PLG: variants seen among roughly 807,000 people sequenced by gnomAD.
PLG encodes the protein plasminogen, also known as plasmin.
Under a neutral mutation model 104.4 loss-of-function variants are expected in PLG, and 41 were observed. The ratio of observed to expected loss-of-function variants is 0.39; its 90% confidence interval spans 0.31 to 0.51. PLG has a LOEUF of 0.51. Ranked by LOEUF, PLG falls within the 20% of genes least tolerant of loss-of-function variation. The pLI is 0.76. For synonymous variants in PLG, 337 were observed against 357.1 expected, an observed-to-expected ratio of 0.94 and a Z score of 0.63; for missense variants, 891 against 1,003.6, an observed-to-expected ratio of 0.89 and a Z score of 1.52.
In PLG at chr6:160,746,920, C is replaced by T. The variant is rs1202565113; in HGVS notation, c.2126-5195C>T. ...TTTTTATTTGTATATTTCCCTACAC[C>T]TAAAACAAGCAAAAAAACAGTAAAG... On this transcript the variant is annotated intron_variant, in intron 17 of 18. Coordinates refer to ENST00000308192, the MANE Select transcript of PLG (RefSeq NM_000301.5). 3.3e-5 allele frequency among the ~76,000 whole-genome samples: 5 copies of T among 152,208 alleles called. No homozygotes were observed. In the East Asian group the frequency reaches 9.6e-4, roughly 29 times the overall value.
At chr6:160,707,157 G>A (rs1216866752) in intron 2 of PLG, among the ~76,000 whole-genome samples, 1 of 152,076 alleles carries the variant, frequency 6.6e-6, no homozygotes, top group Non-Finnish European at 1.5e-5. Context: ...ACCTTCTGAG[G>A]GGGACCATTA....
intron 1 of PLG, among the ~76,000 whole-genome samples, chr6:160,705,189 A>G (rs1582929304): frequency 6.6e-6 from 1 of 152,118 alleles, no homozygotes; most frequent in East Asian, 1.9e-4. Context: ...CCTTGTGCAA[A>G]TCACTAGCAT....
At position 160,724,315 on chromosome 6, in the gene PLG, A is replaced by C. The variant is rs980897341; in HGVS notation, c.1256+1748A>C. Among the ~76,000 whole-genome samples the C allele has an allele frequency of 6.6e-6, 1 of 152,178 alleles. No homozygotes were observed. The highest frequency in any genetic ancestry group is 1.5e-5 in the Non-Finnish European group (1 of 68,022). ...AGAAATTAAATAACTAAAAAAGTGC[A>C]TGTTTAATGAAAAATGTACTGGCTA... On this transcript the variant is annotated intron_variant, in intron 10 of 18. Transcript: ENST00000308192. This position sits in a 1 kb window ranked among gnomAD's most constrained non-coding sequence, Gnocchi z 5.0.
At position 160,741,152 on chromosome 6, in the gene PLG, T is replaced by C. The variant is rs900159575; in HGVS notation, c.2019-159T>C. Among the ~76,000 whole-genome samples the C allele has an allele frequency of 1.3e-5, 2 of 152,118 alleles. No individual in the cohort carries two copies. Among genetic ancestry groups the C allele is most frequent in the African/African-American group, 4.8e-5 (2 of 41,426 alleles). On this transcript the variant is annotated intron_variant, in intron 16 of 18. Coordinates refer to ENST00000308192, the MANE Select transcript of PLG (RefSeq NM_000301.5). This position sits in a 1 kb window ranked among gnomAD's most constrained non-coding sequence, Gnocchi z 4.7. ...TAGTCCATAGACAACCACAGGCAAATGTGAGGGTGAAACTCTGTGTTCTAC... is the reference window on the plus strand; with the variant it reads ...TAGTCCATAGACAACCACAGGCAAACGTGAGGGTGAAACTCTGTGTTCTAC...
chr6:160,747,579 T>G (rs893020048), intron 17 of PLG, among the ~76,000 whole-genome samples: 1 of 152,126 alleles, frequency 6.6e-6, no homozygotes, highest in Non-Finnish European at 1.5e-5. Flanking sequence ...TCAAGTGGTG[T>G]TTTTCACATC....
At position 160,753,095 on chromosome 6, in the gene PLG, C is replaced by G; in HGVS notation, c.*34C>G. 2.9e-6 allele frequency: 4 copies of G among 1,377,216 alleles called. No individual in the cohort carries two copies. The highest frequency in any genetic ancestry group is 3.1e-6 in the Non-Finnish European group (3 of 977,920). 85.3% of individuals were successfully genotyped at this position (1,377,216 alleles called of 1,614,324 possible). A position where few individuals can be genotyped will look rare whatever the true frequency, so the allele number is the denominator to read the frequency against. On this transcript the variant is annotated 3_prime_UTR_variant, in exon 19 of 19. Transcript: ENST00000308192. The surrounding 1 kb of genome is among the most constrained non-coding windows in gnomAD (Gnocchi z 5.4). ...GAGACAGAGTGACGCACTGACTCAC[C>G]TAGAGGCTGGAACGTGGGTAGGGAT...
chr6:160,736,993 C>A lies in PLG; in HGVS notation c.1788C>A (p.Val596=). 1 of 1,613,510 alleles carries A rather than the reference C, an allele frequency of 6.2e-7. No individual in the cohort carries two copies. Among genetic ancestry groups the A allele is most frequent in the South Asian group, 1.1e-5 (1 of 91,034 alleles). The change falls in exon 14 of 19, where the codon GTC becomes GTA. Residue 596 remains valine (V), a synonymous_variant. Coordinates refer to ENST00000308192, the MANE Select transcript of PLG (RefSeq NM_000301.5). This position sits in a 1 kb window ranked among gnomAD's most constrained non-coding sequence, Gnocchi z 5.2. ...VAHPHSWPWQ[V]SLRTRFGMHF... is the part of the protein sequence containing the mutation. ...ACCCACATTCCTGGCCCTGGCAAGTCAGTCTTAGAACAAGGTAAGAACAGG... is the reference window on the plus strand; with the variant it reads ...ACCCACATTCCTGGCCCTGGCAAGTAAGTCTTAGAACAAGGTAAGAACAGG...
intron 10 of PLG, 86 bp from the exon 11 acceptor site, chr6:160,730,965 C>T (rs572284335): frequency 1.5e-6 from 2 of 1,364,556 alleles, no homozygotes; most frequent in Non-Finnish European, 1.0e-6. Flanking sequence ...CTTGTTAACA[C>T]TTTGTTAGAA....
At chr6:160,717,516 T>G (rs1241081764) in intron 7 of PLG, among the ~76,000 whole-genome samples, 1 of 152,172 alleles carries the variant, frequency 6.6e-6, no homozygotes, top group Non-Finnish European at 1.5e-5. Flanking sequence ...ATATCTTGAT[T>G]TCTGGATGCA....
In PLG at chr6:160,753,301, G is replaced by A. The variant is rs777094383; in HGVS notation, c.*240G>A. 9 of 544,814 alleles carry A rather than the reference G, an allele frequency of 1.7e-5. No homozygotes were observed. In the East Asian group the frequency reaches 3.0e-4, roughly 18 times the overall value. The allele number at this position is 544,814 out of a possible 1,614,324, so 33.7% of individuals were successfully genotyped here. Reference sequence around the variant, plus strand: ...CTTAACTTTGATTTGAGTAAATTTTGGTTTTGGTCTTCAACATTTTCATGC... The same window carrying A: ...CTTAACTTTGATTTGAGTAAATTTTAGTTTTGGTCTTCAACATTTTCATGC... On this transcript the variant is annotated 3_prime_UTR_variant, in exon 19 of 19. Transcript: ENST00000308192. This position sits in a 1 kb window ranked among gnomAD's most constrained non-coding sequence, Gnocchi z 5.4.
chr6:160,715,576 G>A (rs1777714232), intron 6 of PLG, among the ~76,000 whole-genome samples: 1 of 152,134 alleles, frequency 6.6e-6, no homozygotes, highest in African/African-American at 2.4e-5. Flanking sequence ...CATTAATTGT[G>A]CTGGAAAACA....
In PLG at chr6:160,738,738, C is replaced by T; in HGVS notation, c.1877+126C>T. 2 of 762,040 alleles carry T rather than the reference C, an allele frequency of 2.6e-6. No homozygotes were observed. Among genetic ancestry groups the T allele is most frequent in the Non-Finnish European group, 4.7e-6 (2 of 425,200 alleles). The allele number at this position is 762,040 out of a possible 1,614,324, so 47.2% of individuals were successfully genotyped here. ...CTTCTCTGGCTGTGACACTAGGGACCAGGCCAGGGCAATTGGATAAGAGAG... is the reference window on the plus strand; with the variant it reads ...CTTCTCTGGCTGTGACACTAGGGACTAGGCCAGGGCAATTGGATAAGAGAG... On this transcript the variant is annotated intron_variant, in intron 15 of 18. Coordinates refer to ENST00000308192, the MANE Select transcript of PLG (RefSeq NM_000301.5). This position sits in a 1 kb window ranked among gnomAD's most constrained non-coding sequence, Gnocchi z 6.8.
intron 17 of PLG, among the ~76,000 whole-genome samples, chr6:160,751,510 A>G (rs536856988): frequency 5.9e-5 from 9 of 152,356 alleles, no homozygotes; most frequent in African/African-American, 1.9e-4. Flanking sequence ...AAAATATACA[A>G]AACATAAGGT....
rs1778010839 is a variant in PLG at position 160,732,157 on chromosome 6, A to T, written c.1587+264A>T. 6.6e-6 allele frequency among the ~76,000 whole-genome samples: 1 copy of T among 152,136 alleles called. No homozygotes were observed. Among genetic ancestry groups the T allele is most frequent in the Admixed American group, 6.5e-5 (1 of 15,272 alleles). On this transcript the variant is annotated intron_variant, in intron 12 of 18. Transcript: ENST00000308192. The surrounding 1 kb of genome is among the most constrained non-coding windows in gnomAD (Gnocchi z 4.5). ...CTTCCCTTTAGTGACATTTCTTTAA[A>T]GTTTCCATTATTGGGGACTGTCTCT...
intron 17 of PLG, among the ~76,000 whole-genome samples, chr6:160,748,362 A>AAGAAAGAAAGAAAGAAAGAGAGAG (rs1449154911): frequency 1.3e-4 from 5 of 37,118 alleles, no homozygotes; most frequent in Non-Finnish European, 2.6e-4. Context: ...GAAAGAAAGA[A>AAGAAAGAAAGAAAGAAAGAGAGAG]AGAAAGAAAG....
Position 160,722,366 on chromosome 6 carries a change from T to G in PLG, c.1097-42T>G, listed in dbSNP as rs768154023. ...ATAAATTGCTTCATGCTTCTTTTTT[T>G]TCAGTAATTGTTAAGCTTGATTTCT... is the stretch of plus-strand genomic sequence containing the variant. On this transcript the variant is annotated intron_variant, in intron 9 of 18. Transcript: ENST00000308192. 2.6e-6 allele frequency: 4 copies of G among 1,512,880 alleles called. No homozygotes were observed. The South Asian group carries it at 4.5e-5, about 17-fold the overall frequency. The allele number at this position is 1,512,880 out of a possible 1,614,324, so 93.7% of individuals were successfully genotyped here.
chr6:160,704,773 G>A (rs566495459), intron 1 of PLG, among the ~76,000 whole-genome samples: 2 of 152,168 alleles, frequency 1.3e-5, no homozygotes, highest in Admixed American at 6.5e-5. Context: ...GGAGCAGGGG[G>A]ACTTTGGCCG....
chr6:160,715,412 A>G lies in PLG; in HGVS notation c.668+498A>G, dbSNP rs1464669655. On this transcript the variant is annotated intron_variant, in intron 6 of 18. Coordinates refer to ENST00000308192, the MANE Select transcript of PLG (RefSeq NM_000301.5). ...TGGATTTTTGAATCCCTGATGTTTT[A>G]TGTATATTTACATCAATGTGTTTTT... Among the ~76,000 whole-genome samples, 8 of 152,216 alleles carry G rather than the reference A, an allele frequency of 5.3e-5. No homozygotes were observed. The East Asian group carries it at 1.5e-3, about 29-fold the overall frequency.
rs966791157 is a variant in PLG at position 160,732,421 on chromosome 6, C to A, written c.1587+528C>A. ...CACACCCATGCAGCATAACACTTCT[C>A]ACACCAGATGTGGGGGGATTTCTCC... On this transcript the variant is annotated intron_variant, in intron 12 of 18. Coordinates refer to ENST00000308192, the MANE Select transcript of PLG (RefSeq NM_000301.5). This position sits in a 1 kb window ranked among gnomAD's most constrained non-coding sequence, Gnocchi z 4.5. Among the ~76,000 whole-genome samples the A allele has an allele frequency of 2.6e-5, 4 of 152,156 alleles. No homozygotes were observed. Among genetic ancestry groups the A allele is most frequent in the Non-Finnish European group, 5.9e-5 (4 of 68,024 alleles).
Sources: gnomAD v4.1 joint callset for allele counts (sites outside exome capture counted in the v4.1 genomes callset) on GRCh38, gnomAD v4.1.1 for gene constraint, Gnocchi (gnomAD v3.1) non-coding constraint, MANE v1.5 for transcripts, NCBI Gene and HGNC (gene_info 2026-07-23, HGNC 2026-07-21) for gene names.